Variants in SLC5A4 observed in about 807,000 individuals in gnomAD.
The protein encoded by SLC5A4 is solute carrier family 5 member 4.
Under a neutral mutation model 70.3 loss-of-function variants are expected in SLC5A4, and 55 were observed. The observed-to-expected ratio is 0.78, with a 90% CI of 0.63 to 0.98. SLC5A4 has a LOEUF of 0.98. Among genes scored for constraint, SLC5A4 ranks in the 50% least tolerant of loss-of-function variants. The pLI is 0.00. For synonymous variants in SLC5A4, 268 were observed against 305.7 expected, an observed-to-expected ratio of 0.88 and a Z score of 1.29; for missense variants, 735 against 839.2, an observed-to-expected ratio of 0.88 and a Z score of 1.53.
the SLC5A4 span, among the ~76,000 whole-genome samples, chr22:32,322,271 C>T: frequency 1.3e-5 from 2 of 152,196 alleles, no homozygotes; most frequent in Non-Finnish European, 2.9e-5. Context: ...TGGAAACTTA[C>T]AACAGGGTGG....
upstream of SLC5A4, chr22:32,255,387 G>A: frequency 6.3e-7 from 1 of 1,583,716 alleles, no homozygotes; most frequent in Non-Finnish European, 8.7e-7. Flanking sequence ...TAAGTTCTGG[G>A]TTAATGATCA....
the SLC5A4 span, among the ~76,000 whole-genome samples, chr22:32,341,749 C>A: frequency 2.6e-4 from 39 of 152,232 alleles, no homozygotes; most frequent in Non-Finnish European, 5.6e-4. Context: ...TACACTTCTT[C>A]TGCTAATGCA....
At chr22:32,323,834 G>T in the SLC5A4 span, among the ~76,000 whole-genome samples, 1 of 152,226 alleles carries the variant, frequency 6.6e-6, no homozygotes, top group Admixed American at 6.5e-5. Context: ...GGCCCATGGT[G>T]GCCCTTCTGG....
chr22:32,277,065 T>C, the SLC5A4 span: 1 of 152,208 alleles, frequency 6.6e-6, no homozygotes, highest in Admixed American at 6.5e-5. Flanking sequence ...TGAAATAATT[T>C]TTTCATTCAA....
rs1925050174 is a variant in SLC5A4 at position 32,221,036 on chromosome 22, A to G, written c.1666-14T>C. Reference sequence around the variant, plus strand: ...CAGGCGGTACAGCTGAACAGGGACCATACAAAAGTGCATTAGTAATAGGCA... The same window carrying G: ...CAGGCGGTACAGCTGAACAGGGACCGTACAAAAGTGCATTAGTAATAGGCA... On this transcript the variant is annotated splice_polypyrimidine_tract_variant and intron_variant, in intron 13 of 14. Transcript: ENST00000266086. 1 of 1,560,910 alleles carries G rather than the reference A, an allele frequency of 6.4e-7. No individual in the cohort carries two copies. Among genetic ancestry groups the G allele is most frequent in the Non-Finnish European group, 8.8e-7 (1 of 1,132,062 alleles).
At chr22:32,314,977 T>C in the SLC5A4 span, among the ~76,000 whole-genome samples, 2 of 152,296 alleles carry the variant, frequency 1.3e-5, no homozygotes, top group East Asian at 3.9e-4. Flanking sequence ...GGAGTTACAA[T>C]TCAAGATGAG....
At chr22:32,292,864 AG>A in the SLC5A4 span, among the ~76,000 whole-genome samples, 1 of 152,144 alleles carries the variant, frequency 6.6e-6, no homozygotes, top group Non-Finnish European at 1.5e-5. Flanking sequence ...TTGTAGAGAG[AG>A]GTAGGTTAAA....
At chr22:32,251,344 TTATGA>T in intron 3 of SLC5A4, among the ~76,000 whole-genome samples, 1 of 151,900 alleles carries the variant, frequency 6.6e-6, no homozygotes, top group African/African-American at 2.4e-5. Flanking sequence ...GGTGATTAGG[TTATGA>T]GGGCTCTTCC....
the SLC5A4 span, among the ~76,000 whole-genome samples, chr22:32,292,779 C>G: frequency 3.3e-5 from 5 of 152,228 alleles, no homozygotes; most frequent in East Asian, 9.6e-4. Context: ...TTCTAGATAT[C>G]TCCACTAGGT....
the SLC5A4 span, among the ~76,000 whole-genome samples, chr22:32,285,893 C>T: frequency 1.3e-5 from 2 of 151,948 alleles, no homozygotes; most frequent in African/African-American, 2.4e-5. Context: ...CCCGCTACCA[C>T]GCCCGGCTTA....
the SLC5A4 span, chr22:32,270,576 G>T: frequency 7.3e-5 from 53 of 727,972 alleles, no homozygotes; most frequent in Non-Finnish European, 1.3e-4. Context: ...TGGGGCAGGA[G>T]ATCATGGAGC....
intron 10 of SLC5A4, among the ~76,000 whole-genome samples, chr22:32,230,595 T>TTCTATTTGG (rs1257400998): frequency 6.6e-6 from 1 of 151,758 alleles, no homozygotes; most frequent in Non-Finnish European, 1.5e-5. Flanking sequence ...AAATAGTTTA[T>TTCTATTTGG]TCTATTTGGT....
At chr22:32,231,740 T>C (rs1302595077) in intron 9 of SLC5A4, among the ~76,000 whole-genome samples, 1 of 152,252 alleles carries the variant, frequency 6.6e-6, no homozygotes, top group Admixed American at 6.5e-5. Context: ...TGTTGAGACA[T>C]TATGTTGCAA....
the SLC5A4 span, among the ~76,000 whole-genome samples, chr22:32,260,878 G>T: frequency 2.0e-5 from 3 of 152,182 alleles, no homozygotes; most frequent in Non-Finnish European, 2.9e-5. Context: ...TTTGACACCA[G>T]CCTGGCCAAC....
chr22:32,219,999 A>G (rs984596615), intron 14 of SLC5A4, among the ~76,000 whole-genome samples: 5 of 150,746 alleles, frequency 3.3e-5, no homozygotes, highest in Non-Finnish European at 7.4e-5. Context: ...TTCTATAGCC[A>G]TTATATAAAT....
chr22:32,273,802 AAAACAAAC>A, the SLC5A4 span, among the ~76,000 whole-genome samples: 4 of 152,194 alleles, frequency 2.6e-5, no homozygotes, highest in South Asian at 6.2e-4. Flanking sequence ...CAAGCAAACA[AAAACAAAC>A]AAACAAACAA....
the SLC5A4 span, among the ~76,000 whole-genome samples, chr22:32,324,402 G>T: frequency 9.7e-4 from 148 of 151,938 alleles, no homozygotes; most frequent in African/African-American, 3.5e-3. Context: ...TGATGTCTTA[G>T]CTGGGCCTCA....
At chr22:32,338,752 T>G in the SLC5A4 span, among the ~76,000 whole-genome samples, 1 of 152,158 alleles carries the variant, frequency 6.6e-6, no homozygotes, top group Non-Finnish European at 1.5e-5. Context: ...GCTGCCTCAC[T>G]CCACCAGCCC....
chr22:32,343,019 G>C, the SLC5A4 span: 2 of 152,092 alleles, frequency 1.3e-5, 1 homozygote, highest in South Asian at 4.1e-4. Context: ...TACATGGTTG[G>C]TTGTTGAATA....
Sources: allele counts gnomAD v4.1 joint callset (sites outside exome capture counted in the v4.1 genomes callset), GRCh38; gene constraint gnomAD v4.1.1; transcripts MANE v1.5; gene names NCBI Gene and HGNC (gene_info 2026-07-23, HGNC 2026-07-21).